DPP10: variants seen among roughly 807,000 people sequenced by gnomAD.
The protein encoded by DPP10 is inactive dipeptidyl peptidase 10.
Under a neutral mutation model 120.9 loss-of-function variants are expected in DPP10, and 33 were observed. The observed-to-expected ratio is 0.27, with a 90% confidence interval of 0.21 to 0.37. The LOEUF (loss-of-function observed/expected upper bound fraction) is 0.37, where lower values mean the gene tolerates loss of function less well. DPP10 is among the 10% of genes least tolerant of loss of function. The pLI is 1.00. For synonymous variants in DPP10, 337 were observed against 326.1 expected (o/e 1.03, Z -0.36); for missense variants, 816 against 942.8 (o/e 0.87, Z 1.76).
At chr2:115,068,648 A>G (rs1707120876) in intron 1 of DPP10, among the ~76,000 whole-genome samples, 2 of 152,112 alleles carry the variant, frequency 1.3e-5, no homozygotes, top group East Asian at 1.9e-4. Context: ...TGCCCAGACC[A>G]ATGTCAAAAG....
chr2:114,502,309 T>TA (rs1683265005), intron 1 of DPP10, among the ~76,000 whole-genome samples: 1 of 152,146 alleles, frequency 6.6e-6, no homozygotes, highest in Non-Finnish European at 1.5e-5. Flanking sequence ...AGAAAGTTTT[T>TA]ATTCTGTACT....
intron 9 of DPP10, among the ~76,000 whole-genome samples, chr2:115,745,137 G>A (rs1677787241): frequency 6.6e-6 from 1 of 150,390 alleles, no homozygotes; most frequent in Non-Finnish European, 1.5e-5. Flanking sequence ...AAACTTTGAA[G>A]GCCATTGTGT....
chr2:115,776,519 G>A (rs6419553), intron 13 of DPP10, among the ~76,000 whole-genome samples: 68,830 of 151,888 alleles, frequency 0.45, 17,667 homozygotes, highest in East Asian at 0.66. Flanking sequence ...TATCATTGAT[G>A]GGTATTTGGG....
At chr2:115,346,474 A>G (rs1298172851) in intron 3 of DPP10, among the ~76,000 whole-genome samples, 2 of 152,136 alleles carry the variant, frequency 1.3e-5, no homozygotes, top group African/African-American at 4.8e-5. Context: ...GATGCCATTC[A>G]TTATGCTTGG....
At chr2:114,801,250 G>A (rs1349796841) in intron 1 of DPP10, among the ~76,000 whole-genome samples, 3 of 128,318 alleles carry the variant, frequency 2.3e-5, no homozygotes, top group Admixed American at 1.7e-4. Flanking sequence ...GTGACAGAAC[G>A]AGACTCTGTA....
intron 2 of DPP10, among the ~76,000 whole-genome samples, chr2:115,343,146 A>C (rs1474843121): frequency 6.6e-6 from 1 of 152,216 alleles, no homozygotes; most frequent in Non-Finnish European, 1.5e-5. Flanking sequence ...TTAGTATTCA[A>C]GTCCTGTTAT....
intron 5 of DPP10, among the ~76,000 whole-genome samples, chr2:115,534,859 C>G (rs1422666637): frequency 3.3e-5 from 5 of 151,976 alleles, no homozygotes; most frequent in Non-Finnish European, 7.4e-5. Context: ...TCTCTGATGG[C>G]CAGTGATGGT....
At chr2:115,064,502 A>G in intron 1 of DPP10, 1 of 325,060 alleles carries the variant, frequency 3.1e-6, no homozygotes, top group Non-Finnish European at 5.8e-6. Context: ...TTATCTACAC[A>G]CATCTGTTGC....
At chr2:114,663,668 TAGAG>T (rs1553479098) in intron 1 of DPP10, among the ~76,000 whole-genome samples, 10 of 80,710 alleles carry the variant, frequency 1.2e-4, no homozygotes, top group Non-Finnish European at 1.4e-4. Flanking sequence ...TATATATATA[TAGAG>T]AGAGAGAGAG....
chr2:115,041,123 A>G (rs998378216), intron 1 of DPP10, among the ~76,000 whole-genome samples: 4 of 102,688 alleles, frequency 3.9e-5, no homozygotes, highest in Admixed American at 1.8e-4. Context: ...AAAACAAAAA[A>G]AAAAAAAAAA....
chr2:115,803,097 T>G (rs1685467842), intron 19 of DPP10, among the ~76,000 whole-genome samples: 1 of 152,212 alleles, frequency 6.6e-6, no homozygotes, highest in Non-Finnish European at 1.5e-5. Flanking sequence ...AGGACTTGCT[T>G]TATGAATCTG....
chr2:114,863,070 G>A (rs1014204807), intron 1 of DPP10, among the ~76,000 whole-genome samples: 11 of 152,174 alleles, frequency 7.2e-5, no homozygotes, highest in South Asian at 2.1e-4. Context: ...GCATGCACAC[G>A]CACACATGTG....
At chr2:115,783,606 A>G (rs560313900) in intron 17 of DPP10, among the ~76,000 whole-genome samples, 1 of 152,306 alleles carries the variant, frequency 6.6e-6, no homozygotes, top group East Asian at 1.9e-4. Flanking sequence ...TGTGGCTGAA[A>G]GATGGTTTAG....
chr2:115,069,832 G>A lies in DPP10; in HGVS notation c.61-239407G>A, dbSNP rs149170356. Among the ~76,000 whole-genome samples, 193 of 150,334 alleles carry A rather than the reference G, an allele frequency of 1.3e-3. No homozygotes were observed. The East Asian group carries it at 0.013, about 10-fold the overall frequency. On this transcript the variant is annotated intron_variant, in intron 1 of 25. Coordinates refer to ENST00000410059, the MANE Select transcript of DPP10 (RefSeq NM_020868.6). ...AGTGAGCATAATAATCACAATAATC[G>A]AATAGGCTATTTTTCAGGTCTATCT...
chr2:114,584,950 A>C (rs952660011), intron 1 of DPP10, among the ~76,000 whole-genome samples: 4 of 152,228 alleles, frequency 2.6e-5, no homozygotes, highest in African/African-American at 9.6e-5. Flanking sequence ...CAGGTTCAGC[A>C]TCTGGGCTGT....
intron 3 of DPP10, among the ~76,000 whole-genome samples, chr2:115,403,280 A>T (rs1211798386): frequency 2.0e-5 from 3 of 151,594 alleles, no homozygotes; most frequent in Admixed American, 2.0e-4. Context: ...ACACATAGCT[A>T]GTATTATTCT....
intron 2 of DPP10, among the ~76,000 whole-genome samples, chr2:115,325,141 A>G (rs981019463): frequency 6.6e-6 from 1 of 152,156 alleles, no homozygotes; most frequent in African/African-American, 2.4e-5. Context: ...AAGTGACTGC[A>G]TGCTATCAGA....
chr2:115,549,798 G>T (rs139398147), intron 5 of DPP10, among the ~76,000 whole-genome samples: 8 of 152,232 alleles, frequency 5.3e-5, no homozygotes, highest in African/African-American at 1.7e-4. Flanking sequence ...TGATATGCAA[G>T]CTCTGGCTTG....
chr2:115,267,134 A>G (rs1166471399), intron 1 of DPP10, among the ~76,000 whole-genome samples: 1 of 152,166 alleles, frequency 6.6e-6, no homozygotes, highest in Non-Finnish European at 1.5e-5. Flanking sequence ...TGCTAGAAGG[A>G]ATCAAGTAAT....
Sources: gnomAD v4.1 joint callset for allele counts (sites outside exome capture counted in the v4.1 genomes callset) on GRCh38, gnomAD v4.1.1 for gene constraint, MANE v1.5 for transcripts, NCBI Gene and HGNC (gene_info 2026-07-23, HGNC 2026-07-21) for gene names.